PSKH2: variants seen among roughly 807,000 people sequenced by gnomAD.
The protein encoded by PSKH2 is protein serine kinase H2.
Under a neutral mutation model 22.5 loss-of-function variants are expected in PSKH2, and 16 were observed. The observed-to-expected ratio is 0.71, with a 90% CI of 0.48 to 1.08. The LOEUF (loss-of-function observed/expected upper bound fraction) is 1.08. Ranked by LOEUF, PSKH2 falls within the 50% of genes least tolerant of loss-of-function variation. The probability of loss-of-function intolerance (pLI) is 0.00; values close to 1 mark genes in which losing one functional copy is unlikely to be tolerated. For missense variants in PSKH2, 516 were observed against 492.8 expected, an observed-to-expected ratio of 1.05 and a Z score of -0.44; for synonymous variants, 188 against 184.8, an observed-to-expected ratio of 1.02 and a Z score of -0.14.
chr8:86,049,558 C>G (rs889208709), intron 2 of PSKH2, among the ~76,000 whole-genome samples: 1 of 125,666 alleles, frequency 8.0e-6, no homozygotes, highest in Non-Finnish European at 1.6e-5. Flanking sequence ...GACCCTGTCT[C>G]TAAAAAGAAA....
intron 2 of PSKH2, among the ~76,000 whole-genome samples, chr8:86,049,740 AAGAAAGAAACGAAAGAAAGAAAGAAAG>A (rs1817597387): frequency 4.5e-5 from 1 of 22,228 alleles, no homozygotes; most frequent in South Asian, 1.6e-3. Flanking sequence ...GAAAGAAAGA[AAGAAAGAAACGAAAGAAAGAAAGAAAG>A]AGAAAAGAAA....
At chr8:86,057,813 C>G (rs753958919) in intron 2 of PSKH2, among the ~76,000 whole-genome samples, 1 of 152,156 alleles carries the variant, frequency 6.6e-6, no homozygotes, top group Non-Finnish European at 1.5e-5. Flanking sequence ...CAAATGTGGC[C>G]CTTTTCATGG....
chr8:86,052,569 G>T (rs1400848992), intron 2 of PSKH2, among the ~76,000 whole-genome samples: 2 of 152,196 alleles, frequency 1.3e-5, no homozygotes, highest in African/African-American at 4.8e-5. Context: ...TATTGTTGCT[G>T]TTGTTCTTGT....
Position 86,064,183 on chromosome 8 carries a change from T to C in PSKH2, c.634A>G (p.Lys212Glu), listed in dbSNP as rs1817820604. The C allele has an allele frequency of 6.2e-7, 1 of 1,614,114 alleles. No homozygotes were observed. Among genetic ancestry groups the C allele is most frequent in the Non-Finnish European group, 8.5e-7 (1 of 1,179,996 alleles). ...ITDFGLAYSG[K>E]KSGDWTMKTL... ...TTCATTGTCCAGTCACCACTTTTTT[T>C]CCCGGAGTATGCCAAACCAAAATCT... The change falls in exon 2 of 3, where the codon AAA becomes GAA. Residue 212 changes from lysine to glutamate, a missense_variant. Lys to Glu is a moderately conservative substitution (Grantham distance 56, BLOSUM62 1). Transcript: ENST00000276616.
intron 2 of PSKH2, among the ~76,000 whole-genome samples, chr8:86,049,962 T>C (rs13252217): frequency 0.29 from 44,031 of 151,846 alleles, 7,698 homozygotes; most frequent in East Asian, 0.49. Flanking sequence ...TGAGAACAAA[T>C]AGATTCAACA....
Position 86,069,418 on chromosome 8 carries a change from T to C in PSKH2, c.185+20A>G. On this transcript the variant is annotated intron_variant, in intron 1 of 2. Coordinates refer to ENST00000276616, the MANE Select transcript of PSKH2 (RefSeq NM_033126.3). ...CTTTGTCAGCCCAGTCCCAGGCCAG[T>C]TCCTCACGTGGCGCTTTACCTGGCA... is the stretch of plus-strand genomic sequence containing the variant. The C allele has an allele frequency of 2.6e-6, 4 of 1,555,016 alleles. No homozygotes were observed. Among genetic ancestry groups the C allele is most frequent in the Non-Finnish European group, 3.5e-6 (4 of 1,151,720 alleles).
Position 86,064,166 on chromosome 8 carries a change from C to G in PSKH2, c.651G>C (p.Trp217Cys). The change falls in exon 2 of 3, where the codon TGG becomes TGC. Residue 217 changes from tryptophan to cysteine, a missense_variant. Transcript: ENST00000276616. ...LAYSGKKSGD[W>C]TMKTLCGTPE... is the part of the protein sequence containing the mutation. ...GGGTCCCACAGAGTGTCTTCATTGTCCAGTCACCACTTTTTTTCCCGGAGT... is the reference window on the plus strand; with the variant it reads ...GGGTCCCACAGAGTGTCTTCATTGTGCAGTCACCACTTTTTTTCCCGGAGT... 1 of 1,614,110 alleles carries G rather than the reference C, an allele frequency of 6.2e-7. No individual in the cohort carries two copies.
intron 2 of PSKH2, among the ~76,000 whole-genome samples, chr8:86,061,994 CAA>C (rs1817783486): frequency 6.6e-6 from 1 of 152,142 alleles, no homozygotes; most frequent in African/African-American, 2.4e-5. Context: ...AACAGAAATA[CAA>C]AGATATTCAA....
chr8:86,055,252 C>A (rs952569399), intron 2 of PSKH2, among the ~76,000 whole-genome samples: 1 of 152,098 alleles, frequency 6.6e-6, no homozygotes, highest in Non-Finnish European at 1.5e-5. Context: ...CAAGATACAA[C>A]CTAATCAAGG....
intron 2 of PSKH2, among the ~76,000 whole-genome samples, chr8:86,049,739 AAAGAAAGAAAC>A (rs1817597107): frequency 1.0e-4 from 2 of 19,818 alleles, no homozygotes; most frequent in Non-Finnish European, 1.1e-4. Context: ...AGAAAGAAAG[AAAGAAAGAAAC>A]GAAAGAAAGA....
chr8:86,062,152 C>T (rs1177100190), intron 2 of PSKH2, among the ~76,000 whole-genome samples: 4 of 152,122 alleles, frequency 2.6e-5, no homozygotes, highest in African/African-American at 9.7e-5. Flanking sequence ...TTATATCCTG[C>T]TTTTATTCTA....
rs116806323 is a variant in PSKH2, at chr8:86,061,396, G to T, written c.852+2569C>A. Among the ~76,000 whole-genome samples, 574 of 152,128 alleles carry T rather than the reference G, an allele frequency of 3.8e-3. 3 individuals are homozygous for T. Among genetic ancestry groups the T allele is most frequent in the African/African-American group, 0.013 (537 of 41,494 alleles). On this transcript the variant is annotated intron_variant, in intron 2 of 2. Coordinates refer to ENST00000276616, the MANE Select transcript of PSKH2 (RefSeq NM_033126.3). Reference sequence around the variant, plus strand: ...ACATTAAAAATAATTATAGTATCTAGTCCAAATATGGCCCAAATGGACCGC... The same window carrying T: ...ACATTAAAAATAATTATAGTATCTATTCCAAATATGGCCCAAATGGACCGC...
chr8:86,057,485 C>G (rs938152692), intron 2 of PSKH2, among the ~76,000 whole-genome samples: 2 of 152,094 alleles, frequency 1.3e-5, no homozygotes, highest in African/African-American at 4.8e-5. Context: ...CTCCCGGGTT[C>G]AAGCGATTCT....
intron 1 of PSKH2, among the ~76,000 whole-genome samples, chr8:86,065,141 T>G (rs1817839259): frequency 6.6e-6 from 1 of 152,196 alleles, no homozygotes; most frequent in Non-Finnish European, 1.5e-5. Flanking sequence ...TTTTTGTCAT[T>G]CTTCAACAAC....
chr8:86,054,626 T>C (rs981357583), intron 2 of PSKH2, among the ~76,000 whole-genome samples: 2 of 152,204 alleles, frequency 1.3e-5, no homozygotes, highest in Non-Finnish European at 2.9e-5. Context: ...AAAACGAAAC[T>C]GCAGAAAGAC....
In PSKH2 at chr8:86,064,430, A is replaced by G; in HGVS notation, c.387T>C (p.Thr129=). The change falls in exon 2 of 3, where the codon ACT becomes ACC. Residue 129 remains threonine, a synonymous_variant. Coordinates refer to ENST00000276616, the MANE Select transcript of PSKH2 (RefSeq NM_033126.3). Reference sequence around the variant, plus strand: ...CCATTACCATGTAAACTTGATCCTCAGTCTCAAAGATCTCCATGAGCTGGA... The same window carrying G: ...CCATTACCATGTAAACTTGATCCTCGGTCTCAAAGATCTCCATGAGCTGGA... ...YIVQLMEIFE[T]EDQVYMVMEL... is the part of the protein sequence containing the mutation. The G allele has an allele frequency of 1.9e-6, 3 of 1,614,160 alleles. No homozygotes were observed. Among genetic ancestry groups the G allele is most frequent in the Non-Finnish European group, 2.5e-6 (3 of 1,180,032 alleles).
intron 2 of PSKH2, among the ~76,000 whole-genome samples, chr8:86,052,627 A>T (rs1028906438): frequency 3.9e-5 from 6 of 152,170 alleles, no homozygotes; most frequent in Non-Finnish European, 8.8e-5. Context: ...TCTTTTGTGG[A>T]TAGATTAACT....
rs139054056 is a variant in PSKH2 at position 86,051,330 on chromosome 8, C to T, written c.853-2563G>A. Among the ~76,000 whole-genome samples, 564 of 152,252 alleles carry T rather than the reference C, an allele frequency of 3.7e-3. 5 individuals are homozygous for T. Among genetic ancestry groups the T allele is most frequent in the African/African-American group, 0.013 (526 of 41,554 alleles). On this transcript the variant is annotated intron_variant, in intron 2 of 2. Coordinates refer to ENST00000276616, the MANE Select transcript of PSKH2 (RefSeq NM_033126.3). The stretch of plus-strand genomic sequence containing the variant: ...CTCAAACTCCTAACCTCAGGTGATC[C>T]GCCTGCCTCGGCCGCCCAAATTGTT...
chr8:86,060,818 T>C (rs1817767332), intron 2 of PSKH2, among the ~76,000 whole-genome samples: 1 of 152,240 alleles, frequency 6.6e-6, no homozygotes, highest in African/African-American at 2.4e-5. Flanking sequence ...GTCAGTACTC[T>C]GGTGCTATAG....
Sources: allele counts gnomAD v4.1 joint callset (sites outside exome capture counted in the v4.1 genomes callset), GRCh38; gene constraint gnomAD v4.1.1; transcripts MANE v1.5; gene names NCBI Gene and HGNC (gene_info 2026-07-23, HGNC 2026-07-21).